The following ECHDC1 variants were observed in gnomAD, a reference collection of about 807,000 sequenced individuals.
ECHDC1 encodes the protein ethylmalonyl-CoA decarboxylase 1.
In ECHDC1, 29 loss-of-function variants were observed where a neutral mutation model predicts 29.7. The ratio of observed to expected loss-of-function variants is 0.98; its 90% CI spans 0.73 to 1.33. The LOEUF (loss-of-function observed/expected upper bound fraction) is 1.33. Among genes scored for constraint, ECHDC1 ranks in the 40% most tolerant of loss-of-function variants. The pLI, the probability that ECHDC1 is intolerant of heterozygous loss-of-function variation, is 0.00. For missense variants in ECHDC1, 328 were observed against 350.0 expected (o/e 0.94, Z 0.50); for synonymous variants, 126 against 123.1 (o/e 1.02, Z -0.15).
At chr6:127,321,900 G>T (rs900011629) in intron 3 of ECHDC1, among the ~76,000 whole-genome samples, 4 of 152,120 alleles carry the variant, frequency 2.6e-5, no homozygotes, top group African/African-American at 9.7e-5. Flanking sequence ...CTACTTGGGA[G>T]GCTGAGGCAG....
At chr6:127,297,503 C>A (rs757796847) in intron 5 of ECHDC1, among the ~76,000 whole-genome samples, 7 of 152,310 alleles carry the variant, frequency 4.6e-5, no homozygotes, top group South Asian at 2.1e-4. Flanking sequence ...GCTACAGGCA[C>A]AAACAGAACA....
At chr6:127,319,595 T>C (rs765503404) in intron 3 of ECHDC1, among the ~76,000 whole-genome samples, 15 of 152,208 alleles carry the variant, frequency 9.9e-5, no homozygotes, top group African/African-American at 2.4e-5. Flanking sequence ...TGCTCTGTCC[T>C]CTCACTGGGT....
chr6:127,298,195 C>T (rs533320656), intron 5 of ECHDC1, among the ~76,000 whole-genome samples: 3 of 152,276 alleles, frequency 2.0e-5, no homozygotes, highest in Non-Finnish European at 4.4e-5. Flanking sequence ...ATTTGTATTA[C>T]TGTCACGCCT....
intron 5 of ECHDC1, among the ~76,000 whole-genome samples, chr6:127,306,000 A>C (rs970077712): frequency 6.6e-6 from 1 of 150,418 alleles, no homozygotes; most frequent in Non-Finnish European, 1.5e-5. Context: ...AAAGACACAG[A>C]CTGGTTGATA....
At chr6:127,316,122 G>A (rs1246401942) in intron 4 of ECHDC1, 8 of 474,052 alleles carry the variant, frequency 1.7e-5, no homozygotes, top group East Asian at 1.3e-4. Context: ...GTCATGTCTT[G>A]ATCAGTGTCT....
chr6:127,292,748 G>C (rs1780300878), intron 5 of ECHDC1, among the ~76,000 whole-genome samples: 1 of 151,862 alleles, frequency 6.6e-6, no homozygotes, highest in African/African-American at 2.4e-5. Flanking sequence ...AGACCCTACA[G>C]GATTATACAC....
chr6:127,340,994 C>T (rs946706682), intron 1 of ECHDC1, among the ~76,000 whole-genome samples: 2 of 152,176 alleles, frequency 1.3e-5, no homozygotes, highest in African/African-American at 4.8e-5. Flanking sequence ...CTTTTATCCT[C>T]AAATCTTTAA....
chr6:127,342,662 G>A (rs1785058457), intron 1 of ECHDC1: 1 of 367,334 alleles, frequency 2.7e-6, no homozygotes, highest in Admixed American at 4.3e-5. Context: ...TGCTATACAG[G>A]AGCCCAGATG....
intron 5 of ECHDC1, among the ~76,000 whole-genome samples, chr6:127,310,252 T>C (rs879698414): frequency 5.3e-5 from 8 of 152,164 alleles, no homozygotes; most frequent in Non-Finnish European, 1.2e-4. Context: ...ATTGGATTTT[T>C]TGTAACACAA....
intron 5 of ECHDC1, among the ~76,000 whole-genome samples, chr6:127,298,560 A>G (rs1203553763): frequency 2.0e-5 from 3 of 152,202 alleles, no homozygotes; most frequent in Non-Finnish European, 4.4e-5. Flanking sequence ...GTTTAAAATA[A>G]TGTCTATATC....
At chr6:127,307,474 C>T (rs1257371450) in intron 5 of ECHDC1, among the ~76,000 whole-genome samples, 2 of 151,168 alleles carry the variant, frequency 1.3e-5, no homozygotes, top group Non-Finnish European at 3.0e-5. Flanking sequence ...ACTAAAAATA[C>T]AAAAATTAGC....
Position 127,289,642 on chromosome 6 carries a change from A to G in ECHDC1, c.*227T>C, listed in dbSNP as rs1779942332. ...AATTGACAGCAATAATTTTTAAGCC[A>G]AAAGTGTATATTTTAGCTAAATGTT... On this transcript the variant is annotated 3_prime_UTR_variant, in exon 6 of 6. Transcript: ENST00000454859. 1 of 449,416 alleles carries G rather than the reference A, an allele frequency of 2.2e-6. No individual in the cohort carries two copies. Among genetic ancestry groups the G allele is most frequent in the East Asian group, 3.4e-5 (1 of 29,164 alleles). The allele number at this position is 449,416 out of a possible 1,614,324, so 27.8% of individuals were successfully genotyped here.
intron 1 of ECHDC1, among the ~76,000 whole-genome samples, chr6:127,336,638 TGAGAGTTTTC>T (rs1287515543): frequency 6.6e-6 from 1 of 152,200 alleles, no homozygotes; most frequent in Admixed American, 6.5e-5. Flanking sequence ...ATTCTGTGGT[TGAGAGTTTTC>T]TTGCTCTAAG....
chr6:127,319,705 G>T (rs1199645709), intron 3 of ECHDC1, among the ~76,000 whole-genome samples: 1 of 152,176 alleles, frequency 6.6e-6, no homozygotes, highest in African/African-American at 2.4e-5. Flanking sequence ...ATAAAAGCTG[G>T]AAGCTGAGAA....
intron 1 of ECHDC1, among the ~76,000 whole-genome samples, chr6:127,333,666 TAC>T (rs10523734): frequency 0.15 from 19,069 of 127,698 alleles, 1,277 homozygotes; most frequent in Non-Finnish European, 0.17. Context: ...CTCTTTCTCT[TAC>T]ACACACACAC....
intron 5 of ECHDC1, among the ~76,000 whole-genome samples, chr6:127,293,339 T>C (rs1294359512): frequency 6.6e-6 from 1 of 152,132 alleles, no homozygotes; most frequent in African/African-American, 2.4e-5. Flanking sequence ...AATTCTGTGA[T>C]GAAGGATGGA....
intron 5 of ECHDC1, among the ~76,000 whole-genome samples, chr6:127,298,014 A>T (rs1458456597): frequency 6.6e-6 from 1 of 152,212 alleles, no homozygotes; most frequent in Non-Finnish European, 1.5e-5. Flanking sequence ...TCAACATCAA[A>T]GAAGGAGAAA....
chr6:127,292,989 TG>T (rs1173582034), intron 5 of ECHDC1, among the ~76,000 whole-genome samples: 1 of 152,140 alleles, frequency 6.6e-6, no homozygotes, highest in Non-Finnish European at 1.5e-5. Flanking sequence ...TCTGACATCC[TG>T]GGGCAAAGGA....
At position 127,316,509 on chromosome 6, in the gene ECHDC1, A is replaced by G. The variant is rs1347705441; in HGVS notation, c.364-7T>C. 2.5e-6 allele frequency: 4 copies of G among 1,596,254 alleles called. No homozygotes were observed. In the South Asian group the frequency reaches 3.5e-5, roughly 14 times the overall value. On this transcript the variant is annotated splice_region_variant and splice_polypyrimidine_tract_variant and intron_variant, in intron 3 of 5. Transcript: ENST00000454859. ...TGCATACGGCCATTCCATCCTTTAA[A>G]TAAAAATAAGCAGAAACACAAAGGT...
Sources: gnomAD v4.1 joint callset for allele counts (sites outside exome capture counted in the v4.1 genomes callset) on GRCh38, gnomAD v4.1.1 for gene constraint, MANE v1.5 for transcripts, NCBI Gene and HGNC (gene_info 2026-07-23, HGNC 2026-07-21) for gene names.